CADM2: variants seen among roughly 807,000 people sequenced by gnomAD.
The protein encoded by CADM2 is immunoglobulin superfamily member 4D.
A neutral mutation model predicts 49.8 loss-of-function variants in CADM2; 12 were observed. The observed-to-expected ratio is 0.24, with a 90% CI of 0.15 to 0.39. The LOEUF (loss-of-function observed/expected upper bound fraction) is 0.39, where lower values mean the gene tolerates loss of function less well. Among genes scored for constraint, CADM2 ranks in the 10% least tolerant of loss-of-function variants. The pLI is 1.00. For synonymous variants in CADM2, 214 were observed against 175.4 expected (o/e 1.22, Z -1.74); for missense variants, 378 against 492.3 (o/e 0.77, Z 2.20).
chr3:85,333,425 T>C (rs1013888057), intron 1 of CADM2, among the ~76,000 whole-genome samples: 35 of 151,790 alleles, frequency 2.3e-4, no homozygotes, highest in Non-Finnish European at 4.7e-4. Context: ...CTATATTATA[T>C]GTAAATGCTT....
In CADM2 at chr3:86,072,406, A is replaced by C. The variant is rs988321090; in HGVS notation, c.*5623A>C. The C allele has an allele frequency of 1.2e-4, 18 of 150,068 alleles. No homozygotes were observed. The highest frequency in any genetic ancestry group is 4.0e-4 in the Admixed American group (6 of 15,056). 9.3% of individuals were successfully genotyped at this position (150,068 alleles called of 1,614,324 possible). A position where few individuals can be genotyped will look rare whatever the true frequency, so the allele number is the denominator to read the frequency against. On this transcript the variant is annotated 3_prime_UTR_variant, in exon 10 of 10. Transcript: ENST00000383699. ...CAAATGTGAAAAAGATATAAAAAAA[A>C]CAAAAAAAACAAAAAAAAAACACTA...
chr3:85,329,427 G>A (rs971602481), intron 1 of CADM2, among the ~76,000 whole-genome samples: 5 of 150,882 alleles, frequency 3.3e-5, no homozygotes, highest in East Asian at 1.9e-4. Context: ...ACAATTAGCC[G>A]GGCATGGTGG....
intron 3 of CADM2, among the ~76,000 whole-genome samples, chr3:85,818,484 G>C (rs532352542): frequency 1.3e-5 from 2 of 152,236 alleles, no homozygotes; most frequent in Admixed American, 6.5e-5. Context: ...TGTTGACTGG[G>C]TATCTAGCAA....
At chr3:85,544,543 C>A (rs1003253843) in intron 1 of CADM2, among the ~76,000 whole-genome samples, 1 of 152,006 alleles carries the variant, frequency 6.6e-6, no homozygotes, top group East Asian at 1.9e-4. Flanking sequence ...CGCCACTGCA[C>A]TCCTGCCTGG....
chr3:85,148,800 T>G (rs2107642064), intron 1 of CADM2, among the ~76,000 whole-genome samples: 1 of 152,302 alleles, frequency 6.6e-6, no homozygotes, highest in South Asian at 2.1e-4. Flanking sequence ...AGAGAAAGTA[T>G]ATTTACTATT....
intron 7 of CADM2, among the ~76,000 whole-genome samples, chr3:85,947,624 C>G (rs1190386222): frequency 6.6e-6 from 1 of 151,302 alleles, no homozygotes; most frequent in Non-Finnish European, 1.5e-5. Flanking sequence ...TCTTTTGCTT[C>G]TATTTTATGG....
At position 85,940,774 on chromosome 3, in the gene CADM2, C is replaced by T. The variant is rs528628984; in HGVS notation, c.791+4917C>T. ...GACCTGGGTTTAAATTATAAATCTG[C>T]GGATATTAGTGGCCTGAGTAATCCT... On this transcript the variant is annotated intron_variant, in intron 7 of 9. Transcript: ENST00000383699. Among the ~76,000 whole-genome samples, 12 of 151,972 alleles carry T rather than the reference C, an allele frequency of 7.9e-5. No homozygotes were observed. The East Asian group carries it at 1.5e-3, about 20-fold the overall frequency.
At chr3:85,401,347 C>A (rs1345540566) in intron 1 of CADM2, among the ~76,000 whole-genome samples, 1 of 152,114 alleles carries the variant, frequency 6.6e-6, no homozygotes, top group African/African-American at 2.4e-5. Flanking sequence ...ATACTAGAAG[C>A]AAGATTCAGT....
intron 8 of CADM2, among the ~76,000 whole-genome samples, chr3:85,971,041 A>G (rs1244059094): frequency 6.6e-6 from 1 of 151,606 alleles, no homozygotes; most frequent in Non-Finnish European, 1.5e-5. Context: ...GGATTACTGC[A>G]AAAAGTGATT....
At chr3:85,009,487 AC>A (rs937844356) in intron 1 of CADM2, among the ~76,000 whole-genome samples, 7 of 152,320 alleles carry the variant, frequency 4.6e-5, no homozygotes, top group Non-Finnish European at 8.8e-5. Context: ...GGACCAAATT[AC>A]ATTGATTCCA....
intron 1 of CADM2, among the ~76,000 whole-genome samples, chr3:85,203,843 T>A (rs1358731214): frequency 6.6e-6 from 1 of 152,192 alleles, no homozygotes; most frequent in African/African-American, 2.4e-5. Flanking sequence ...ATATCATTCC[T>A]CCTATGTAAT....
intron 1 of CADM2, among the ~76,000 whole-genome samples, chr3:85,492,624 A>G (rs1161099107): frequency 4.6e-5 from 7 of 152,104 alleles, no homozygotes; most frequent in African/African-American, 7.2e-5. Context: ...AGTAAATGGA[A>G]TATTTCTAGG....
chr3:86,009,347 C>T (rs6806149), intron 8 of CADM2, among the ~76,000 whole-genome samples: 3,097 of 148,522 alleles, frequency 0.021, 88 homozygotes, highest in African/African-American at 0.063. Flanking sequence ...TTCTCTGGAA[C>T]CTGATCCTCA....
intron 2 of CADM2, among the ~76,000 whole-genome samples, chr3:85,786,693 A>G (rs2071008394): frequency 6.6e-6 from 1 of 152,080 alleles, no homozygotes; most frequent in African/African-American, 2.4e-5. Context: ...TTATGTGTTC[A>G]AAAATATGTG....
intron 1 of CADM2, among the ~76,000 whole-genome samples, chr3:85,156,778 C>T (rs964635614): frequency 6.6e-6 from 1 of 152,132 alleles, no homozygotes; most frequent in Non-Finnish European, 1.5e-5. Context: ...AAAACTGGCA[C>T]AAGACAGGGA....
chr3:85,281,668 T>A (rs2106890619), intron 1 of CADM2, among the ~76,000 whole-genome samples: 1 of 152,246 alleles, frequency 6.6e-6, no homozygotes, highest in South Asian at 2.1e-4. Context: ...AGATTCAACA[T>A]TTTAATCATG....
At chr3:85,009,861 A>G (rs1007637151) in intron 1 of CADM2, among the ~76,000 whole-genome samples, 3 of 133,818 alleles carry the variant, frequency 2.2e-5, no homozygotes, top group South Asian at 2.6e-4. Context: ...GCAAGATTCT[A>G]TCTCAATAAA....
chr3:85,629,018 T>C (rs1644212160), intron 1 of CADM2, among the ~76,000 whole-genome samples: 1 of 151,802 alleles, frequency 6.6e-6, no homozygotes, highest in South Asian at 2.1e-4. Context: ...GATTTTGCTT[T>C]ATTTCAGACA....
chr3:85,330,646 G>A (rs533441763), intron 1 of CADM2, among the ~76,000 whole-genome samples: 10 of 151,870 alleles, frequency 6.6e-5, no homozygotes, highest in Non-Finnish European at 1.3e-4. Context: ...CTTATTAACT[G>A]TTTAAAAACA....
Sources: allele counts gnomAD v4.1 joint callset (sites outside exome capture counted in the v4.1 genomes callset), GRCh38; gene constraint gnomAD v4.1.1; transcripts MANE v1.5; gene names NCBI Gene and HGNC (gene_info 2026-07-23, HGNC 2026-07-21).